The following THRB variants were observed in gnomAD, a reference collection of about 807,000 sequenced individuals.
The protein encoded by THRB is thyroid hormone receptor beta, also known as nuclear receptor subfamily 1 group A member 2.
THRB carries 12 observed loss-of-function variants against 47.8 expected under a neutral mutation model. The observed-to-expected ratio is 0.25, with a 90% confidence interval of 0.16 to 0.41. THRB has a LOEUF of 0.41. Ranked by LOEUF, THRB falls within the 10% of genes least tolerant of loss-of-function variation. THRB has a pLI of 1.00. For missense variants in THRB, 348 were observed against 589.2 expected, an observed-to-expected ratio of 0.59 and a Z score of 4.24; for synonymous variants, 218 against 212.2, an observed-to-expected ratio of 1.03 and a Z score of -0.24.
chr3:24,333,032 G>A lies in THRB; in HGVS notation c.-189+4268C>T, dbSNP rs577121669. The stretch of plus-strand genomic sequence containing the variant: ...CCGGGAGGCGGAGTTTGCAGTGAGC[G>A]GAGATCATGGCACTGCACTCCAGCC... On this transcript the variant is annotated intron_variant, in intron 2 of 10. Coordinates refer to ENST00000646209, the MANE Select transcript of THRB (RefSeq NM_001354712.2). Among the ~76,000 whole-genome samples the A allele has an allele frequency of 3.2e-4, 48 of 152,082 alleles. No individual in the cohort carries two copies. In the South Asian group the frequency reaches 7.1e-3, roughly 22 times the overall value.
chr3:24,362,043 C>T (rs1354318270), intron 1 of THRB, among the ~76,000 whole-genome samples: 2 of 151,992 alleles, frequency 1.3e-5, no homozygotes, highest in African/African-American at 2.4e-5. Flanking sequence ...TATCAATTAC[C>T]GAATGCTTAC....
At chr3:24,405,986 T>C (rs2067792809) in intron 1 of THRB, among the ~76,000 whole-genome samples, 1 of 151,658 alleles carries the variant, frequency 6.6e-6, no homozygotes, top group African/African-American at 2.4e-5. Flanking sequence ...GTTGCTAATG[T>C]GATATGTGTT....
chr3:24,411,594 T>A (rs2068302105), intron 1 of THRB, among the ~76,000 whole-genome samples: 2 of 151,782 alleles, frequency 1.3e-5, no homozygotes, highest in Admixed American at 1.3e-4. Context: ...GAATAAAAGT[T>A]AAATTTATTA....
chr3:24,387,129 T>G (rs1577245014), intron 1 of THRB, among the ~76,000 whole-genome samples: 1 of 152,172 alleles, frequency 6.6e-6, no homozygotes, highest in African/African-American at 2.4e-5. Flanking sequence ...TATGGCTGCC[T>G]TACTTCACAG....
intron 3 of THRB, among the ~76,000 whole-genome samples, chr3:24,276,578 T>C (rs2053935065): frequency 6.6e-6 from 1 of 152,248 alleles, no homozygotes; most frequent in Non-Finnish European, 1.5e-5. Flanking sequence ...TGAAAACTCT[T>C]AGCCCAGTGC....
rs142101803 is a variant in THRB, at chr3:24,250,196, G to A, written c.-42-21195C>T. 6.0e-3 allele frequency among the ~76,000 whole-genome samples: 908 copies of A among 152,278 alleles called. 10 individuals are homozygous for A. The highest frequency in any genetic ancestry group is 0.021 in the African/African-American group (865 of 41,552). On this transcript the variant is annotated intron_variant, in intron 3 of 10. Coordinates refer to ENST00000646209, the MANE Select transcript of THRB (RefSeq NM_001354712.2). ...CTAATAAAACATCTTAGTATTAGAT[G>A]CATTTGTTCTTGCCTAACCCTCAGG...
chr3:24,212,627 G>A (rs186610718), intron 4 of THRB, among the ~76,000 whole-genome samples: 11 of 150,532 alleles, frequency 7.3e-5, no homozygotes, highest in Admixed American at 6.6e-4. Context: ...GACCCATGAA[G>A]GTGATATGGT....
intron 5 of THRB, among the ~76,000 whole-genome samples, chr3:24,187,460 T>G (rs1037596985): frequency 6.6e-6 from 1 of 152,174 alleles, no homozygotes; most frequent in Non-Finnish European, 1.5e-5. Flanking sequence ...AGAATTAACT[T>G]TTGTATCCTC....
intron 3 of THRB, among the ~76,000 whole-genome samples, chr3:24,230,616 T>A (rs1034919737): frequency 6.6e-6 from 1 of 152,184 alleles, no homozygotes. Context: ...AGGTCGTACC[T>A]ACAGTATTGC....
intron 6 of THRB, among the ~76,000 whole-genome samples, chr3:24,148,459 G>C (rs2036435367): frequency 6.6e-6 from 1 of 151,994 alleles, no homozygotes; most frequent in Non-Finnish European, 1.5e-5. Flanking sequence ...ATGCGTTTTT[G>C]CCATATTGGC....
At chr3:24,222,830 T>C (rs1346393353) in intron 4 of THRB, among the ~76,000 whole-genome samples, 1 of 152,206 alleles carries the variant, frequency 6.6e-6, no homozygotes, top group Admixed American at 6.5e-5. Context: ...GCTATTTTTC[T>C]TTCTGCCAAA....
At chr3:24,164,341 T>C (rs80043137) in intron 5 of THRB, among the ~76,000 whole-genome samples, 4,926 of 152,296 alleles carry the variant, frequency 0.032, 170 homozygotes, top group African/African-American at 0.084. Flanking sequence ...GAAGTGTGTT[T>C]CACTTGCTTT....
intron 8 of THRB, among the ~76,000 whole-genome samples, chr3:24,140,562 A>G (rs556956988): frequency 9.9e-5 from 15 of 151,902 alleles, no homozygotes; most frequent in African/African-American, 3.6e-4. Context: ...GACCTTTATT[A>G]TTATTTTTTA....
intron 3 of THRB, among the ~76,000 whole-genome samples, chr3:24,282,921 T>A (rs1103783): frequency 6.6e-6 from 1 of 151,278 alleles, no homozygotes; most frequent in East Asian, 1.9e-4. Flanking sequence ...AATAACAGGA[T>A]CTGAAATTGT....
chr3:24,205,258 G>C (rs1463434927), intron 4 of THRB, among the ~76,000 whole-genome samples: 1 of 152,166 alleles, frequency 6.6e-6, no homozygotes, highest in South Asian at 2.1e-4. Context: ...AGAGAGAAAG[G>C]TCAGGTTACC....
chr3:24,328,412 A>G (rs1353482736), intron 2 of THRB, among the ~76,000 whole-genome samples: 14 of 152,192 alleles, frequency 9.2e-5, no homozygotes. Context: ...GCCTCCACAT[A>G]AATGTTCCAT....
intron 4 of THRB, among the ~76,000 whole-genome samples, chr3:24,192,973 T>A (rs970849591): frequency 1.3e-5 from 2 of 152,136 alleles, no homozygotes; most frequent in Non-Finnish European, 2.9e-5. Context: ...AGGAATTTAT[T>A]TAAGGAGGAT....
At chr3:24,269,502 T>C (rs989029335) in intron 3 of THRB, among the ~76,000 whole-genome samples, 7 of 152,164 alleles carry the variant, frequency 4.6e-5, no homozygotes, top group Non-Finnish European at 7.4e-5. Context: ...CATATCTCAC[T>C]ATGGCCTCAA....
intron 8 of THRB, among the ~76,000 whole-genome samples, chr3:24,142,974 C>T (rs2035634390): frequency 6.6e-6 from 1 of 152,170 alleles, no homozygotes; most frequent in African/African-American, 2.4e-5. Flanking sequence ...CACTCGTGCC[C>T]ACCAACCCTA....
Sources: allele counts gnomAD v4.1 joint callset (sites outside exome capture counted in the v4.1 genomes callset), GRCh38; gene constraint gnomAD v4.1.1; transcripts MANE v1.5; gene names NCBI Gene and HGNC (gene_info 2026-07-23, HGNC 2026-07-21).